The following MND1 variants were observed in gnomAD, a reference collection of about 807,000 sequenced individuals.
MND1 encodes meiotic nuclear divisions 1, also known as meiotic nuclear division protein 1 homolog.
Under a neutral mutation model 35.1 loss-of-function variants are expected in MND1, and 28 were observed. The observed-to-expected ratio is 0.80, with a 90% CI of 0.59 to 1.09. MND1 has a LOEUF of 1.09. Among genes scored for constraint, MND1 ranks in the 50% least tolerant of loss-of-function variants. MND1 has a pLI of 0.00. For synonymous variants in MND1, 69 were observed against 70.5 expected (o/e 0.98, Z 0.11); for missense variants, 213 against 239.6 (o/e 0.89, Z 0.73).
chr4:153,346,443 A>ATC (rs1773079139), intron 1 of MND1, among the ~76,000 whole-genome samples: 1 of 152,228 alleles, frequency 6.6e-6, no homozygotes, highest in Non-Finnish European at 1.5e-5. Flanking sequence ...ATTTGAATGC[A>ATC]TCTCTAACTT....
intron 4 of MND1, among the ~76,000 whole-genome samples, chr4:153,382,361 C>T (rs902718472): frequency 1.3e-5 from 2 of 152,174 alleles, no homozygotes; most frequent in Non-Finnish European, 2.9e-5. Flanking sequence ...TGGTGGGTTG[C>T]TCACAACTCT....
At chr4:153,387,377 T>A (rs1309682833) in intron 4 of MND1, among the ~76,000 whole-genome samples, 4 of 152,070 alleles carry the variant, frequency 2.6e-5, no homozygotes, top group Admixed American at 6.6e-5. Context: ...TCTTTATATA[T>A]AAATATATCT....
At chr4:153,355,909 C>A in intron 3 of MND1, 198 bp downstream of exon 3, 1 of 492,844 alleles carries the variant, frequency 2.0e-6, no homozygotes. Context: ...TATAATACAT[C>A]CTGTATATTA....
chr4:153,394,144 C>A, intron 4 of MND1, 118 bp from the exon 5 acceptor site: 1 of 736,228 alleles, frequency 1.4e-6, no homozygotes, highest in Non-Finnish European at 2.3e-6. Flanking sequence ...GATCTGCCTG[C>A]CTCGGCCTGG....
chr4:153,381,154 C>T (rs1177439183), intron 4 of MND1, among the ~76,000 whole-genome samples: 1 of 152,090 alleles, frequency 6.6e-6, no homozygotes, highest in Non-Finnish European at 1.5e-5. Flanking sequence ...CTGCCTCGGC[C>T]TCCCAAAGTG....
chr4:153,379,542 A>ATAAG (rs1728610418), intron 4 of MND1, among the ~76,000 whole-genome samples: 1 of 151,332 alleles, frequency 6.6e-6, no homozygotes. Flanking sequence ...TCTCTGCAAA[A>ATAAG]TAAATAAATA....
intron 1 of MND1, chr4:153,345,214 C>T: frequency 2.2e-6 from 1 of 459,914 alleles, no homozygotes; most frequent in Non-Finnish European, 2.9e-6. Flanking sequence ...GGAGGGACTG[C>T]GGGGAGCGAA....
At chr4:153,370,383 C>A (rs1426142533) in intron 4 of MND1, among the ~76,000 whole-genome samples, 1 of 152,058 alleles carries the variant, frequency 6.6e-6, no homozygotes, top group East Asian at 1.9e-4. Context: ...CTTATTCTTG[C>A]CATTTCCACC....
intron 6 of MND1, among the ~76,000 whole-genome samples, chr4:153,399,497 G>A (rs1186831852): frequency 6.6e-6 from 1 of 152,206 alleles, no homozygotes; most frequent in African/African-American, 2.4e-5. Context: ...AACAGGGATA[G>A]GGAATTGTGC....
At chr4:153,410,394 C>T (rs1729648760) in intron 7 of MND1, among the ~76,000 whole-genome samples, 1 of 151,918 alleles carries the variant, frequency 6.6e-6, no homozygotes, top group African/African-American at 2.4e-5. Flanking sequence ...ACCATATTTC[C>T]ATTTAAAGTT....
At chr4:153,387,725 G>C (rs1303913537) in intron 4 of MND1, among the ~76,000 whole-genome samples, 2 of 152,088 alleles carry the variant, frequency 1.3e-5, no homozygotes, top group Non-Finnish European at 2.9e-5. Flanking sequence ...ACTCCAGCCT[G>C]GGTGACAGAA....
In MND1 at chr4:153,397,313, C is replaced by T. The variant is rs534275889; in HGVS notation, c.446C>T (p.Pro149Leu). The T allele has an allele frequency of 1.1e-5, 18 of 1,610,298 alleles. No individual in the cohort carries two copies. The highest frequency in any genetic ancestry group is 2.2e-5 in the South Asian group (2 of 90,392). The change falls in exon 6 of 8, where the codon CCG (proline) becomes CTG (leucine). Residue 149 changes from proline to leucine, a missense_variant. Coordinates refer to ENST00000240488, the MANE Select transcript of MND1 (RefSeq NM_032117.4). ...GTAGAAAAATACAAAGACTGTGATCCGCAAGTTGTGGAAGAAATACGTAAG... is the reference window on the plus strand; with the variant it reads ...GTAGAAAAATACAAAGACTGTGATCTGCAAGTTGTGGAAGAAATACGTAAG... Reference protein sequence around the residue: ...AEVEKYKDCDPQVVEEIRQAN... With the variant: ...AEVEKYKDCDLQVVEEIRQAN...
chr4:153,359,979 G>A lies in MND1; in HGVS notation c.276+1357G>A, dbSNP rs141310925. Among the ~76,000 whole-genome samples the A allele has an allele frequency of 6.4e-3, 966 of 151,916 alleles. 14 individuals are homozygous for A. Among genetic ancestry groups the A allele is most frequent in the African/African-American group, 0.022 (924 of 41,424 alleles). ...ATTTTGTATTTTTAGTAGAGACGGG[G>A]TTTCACCATGATGGCCAAGCTGGTC... On this transcript the variant is annotated intron_variant, in intron 4 of 7. Transcript: ENST00000240488.
At chr4:153,348,579 CTATT>C (rs899374211) in intron 1 of MND1, among the ~76,000 whole-genome samples, 4 of 152,088 alleles carry the variant, frequency 2.6e-5, no homozygotes, top group African/African-American at 4.8e-5. Context: ...AAACTTTAAG[CTATT>C]TATTTACCCA....
At chr4:153,394,105 C>T (rs560468148) in intron 4 of MND1, among the ~76,000 whole-genome samples, 157 bp from the exon 5 acceptor site, 6 of 151,744 alleles carry the variant, frequency 4.0e-5, no homozygotes, top group African/African-American at 1.4e-4. Context: ...ACCGTGTTGG[C>T]CAGGATGGTC....
intron 2 of MND1, among the ~76,000 whole-genome samples, chr4:153,354,924 A>G (rs1773303007): frequency 6.6e-6 from 1 of 152,112 alleles, no homozygotes; most frequent in Non-Finnish European, 1.5e-5. Context: ...GCACTTTGGG[A>G]GGCTGAGACG....
At chr4:153,401,548 A>G (rs1445757378) in intron 6 of MND1, among the ~76,000 whole-genome samples, 1 of 148,890 alleles carries the variant, frequency 6.7e-6, no homozygotes, top group Non-Finnish European at 1.5e-5. Flanking sequence ...CCATTCCTCA[A>G]TGAAATTATT....
At chr4:153,345,640 A>T in intron 1 of MND1, 1 of 726,198 alleles carries the variant, frequency 1.4e-6, no homozygotes, top group Non-Finnish European at 1.7e-6. Flanking sequence ...TAAGATTTTA[A>T]TATCTTCATT....
chr4:153,350,683 AAACCCAGGTACCTGGCTCT>A (rs1268325623), intron 2 of MND1, among the ~76,000 whole-genome samples: 2 of 152,210 alleles, frequency 1.3e-5, no homozygotes, highest in Non-Finnish European at 2.9e-5. Flanking sequence ...GCCAGAGTTC[AAACCCAGGTACCTGGCTCT>A]ACAGCCTACT....
Sources: allele counts gnomAD v4.1 joint callset (sites outside exome capture counted in the v4.1 genomes callset), GRCh38; gene constraint gnomAD v4.1.1; transcripts MANE v1.5; gene names NCBI Gene and HGNC (gene_info 2026-07-23, HGNC 2026-07-21).